The following ARHGEF40 variants were observed in gnomAD, a reference collection of about 807,000 sequenced individuals.
The protein encoded by ARHGEF40 is Rho guanine nucleotide exchange factor 40, also known as Rho guanine nucleotide exchange factor (GEF) 40.
In ARHGEF40, 98 loss-of-function variants were observed where a neutral mutation model predicts 165.9. The ratio of observed to expected loss-of-function variants is 0.59; its 90% CI spans 0.50 to 0.70. ARHGEF40 has a LOEUF of 0.70. ARHGEF40 is among the 30% of genes least tolerant of loss of function. The pLI is 0.00. For synonymous variants in ARHGEF40, 792 were observed against 814.3 expected (o/e 0.97, Z 0.47); for missense variants, 1,815 against 1,968.0 (o/e 0.92, Z 1.47).
chr14:21,072,735 T>G lies in ARHGEF40; in HGVS notation c.4-310T>G, dbSNP rs1281736147. Among the ~76,000 whole-genome samples the G allele has an allele frequency of 6.6e-6, 1 of 152,184 alleles. No homozygotes were observed. The highest frequency in any genetic ancestry group is 6.5e-5 in the Admixed American group (1 of 15,272). On this transcript the variant is annotated intron_variant, in intron 1 of 23. Transcript: ENST00000298694. The surrounding 1 kb of genome is among the most constrained non-coding windows in gnomAD (Gnocchi z 4.1). ...TGTCTTTTCTCTCCTGGGAAAGATC[T>G]ATGCAATCACCCCAACTCACGAGCA...
At chr14:21,081,348 T>G in intron 13 of ARHGEF40, 161 bp from the exon 14 acceptor site, 1 of 1,056,484 alleles carries the variant, frequency 9.5e-7, no homozygotes, top group Non-Finnish European at 1.4e-6. Context: ...CAACTCCGAG[T>G]GACATGGTTA....
intron 8 of ARHGEF40, among the ~76,000 whole-genome samples, chr14:21,077,946 C>G (rs191604807): frequency 5.5e-4 from 84 of 152,340 alleles, no homozygotes; most frequent in Middle Eastern, 6.8e-3. Flanking sequence ...CTGGCATCAT[C>G]TCCTTAAAAA....
Position 21,089,874 on chromosome 14 carries a change from G to A in ARHGEF40, c.*866G>A, listed in dbSNP as rs947250539. The A allele has an allele frequency of 4.9e-6, 1 of 202,114 alleles. No individual in the cohort carries two copies. The highest frequency in any genetic ancestry group is 1.0e-5 in the Non-Finnish European group (1 of 97,544). The allele number at this position is 202,114 out of a possible 1,614,324, so 12.5% of individuals were successfully genotyped here. ...ATGAGGTCCTCAGGCCACAGTGCGT[G>A]AGAACTTGCTTGGCTGTTTGTTAAA... is the stretch of plus-strand genomic sequence containing the variant. On this transcript the variant is annotated 3_prime_UTR_variant, in exon 24 of 24. Transcript: ENST00000298694.
chr14:21,079,744 G>A (rs1464424605), intron 11 of ARHGEF40, among the ~76,000 whole-genome samples: 4 of 152,130 alleles, frequency 2.6e-5, no homozygotes, highest in Non-Finnish European at 4.4e-5. Context: ...CTGTTTCCTA[G>A]GATTTCTTCA....
intron 13 of ARHGEF40, 136 bp downstream of exon 13, chr14:21,081,152 C>A: frequency 7.3e-7 from 1 of 1,374,612 alleles, no homozygotes; most frequent in Admixed American, 2.4e-5. Flanking sequence ...TTAGCTCTGC[C>A]ACCTCCTTGC....
chr14:21,067,564 A>G (rs1886335793), upstream of ARHGEF40, among the ~76,000 whole-genome samples: 1 of 152,162 alleles, frequency 6.6e-6, no homozygotes, highest in South Asian at 2.1e-4. Flanking sequence ...ATAAGCTGCA[A>G]TTTCTTCTGT....
chr14:21,067,815 A>C (rs1886353025), upstream of ARHGEF40, among the ~76,000 whole-genome samples: 1 of 151,996 alleles, frequency 6.6e-6, no homozygotes, highest in Non-Finnish European at 1.5e-5. Flanking sequence ...TTCTTTGGAG[A>C]AAGTGGTATT....
chr14:21,063,585 G>A, the ARHGEF40 span, among the ~76,000 whole-genome samples: 3 of 152,136 alleles, frequency 2.0e-5, no homozygotes, highest in Admixed American at 2.0e-4. Context: ...TCCGCTGCTT[G>A]GCAGTTCTGA....
At position 21,082,124 on chromosome 14, in the gene ARHGEF40, G is replaced by A; in HGVS notation, c.3251+5G>A. 6.4e-7 allele frequency: 1 copy of A among 1,562,818 alleles called. No individual in the cohort carries two copies. Among genetic ancestry groups the A allele is most frequent in the Non-Finnish European group, 8.7e-7 (1 of 1,153,028 alleles). The stretch of plus-strand genomic sequence containing the variant: ...GGAGCGCAAGCGAAGCATCAGGTGA[G>A]ATCCCAGCCCAACTGGTGCTAAGAG... On this transcript the variant is annotated splice_donor_5th_base_variant and intron_variant, in intron 14 of 23. Transcript: ENST00000298694.
In ARHGEF40 at chr14:21,088,687, A is replaced by G. The variant is rs560353259; in HGVS notation, c.4519-143A>G. On this transcript the variant is annotated intron_variant, in intron 22 of 23. Coordinates refer to ENST00000298694, the MANE Select transcript of ARHGEF40 (RefSeq NM_018071.5). ...GGCAACAGTGAGCACCTGTCTCTAA[A>G]AAAATAAAAGTAAATAGCAAAATTC... is the stretch of plus-strand genomic sequence containing the variant. 286 of 887,922 alleles carry G rather than the reference A, an allele frequency of 3.2e-4. 2 individuals are homozygous for G. In the African/African-American group the frequency reaches 4.3e-3, roughly 13 times the overall value. The allele number at this position is 887,922 out of a possible 1,614,324, so 55.0% of individuals were successfully genotyped here.
chr14:21,080,611 T>C (rs775429397), intron 11 of ARHGEF40, 49 bp from the exon 12 acceptor site: 2 of 1,574,480 alleles, frequency 1.3e-6, no homozygotes, highest in South Asian at 1.2e-5. Context: ...CAGCCCTTCC[T>C]TGCCTTTCCA....
At chr14:21,087,536 G>A in intron 21 of ARHGEF40, 73 bp downstream of exon 21, 1 of 1,562,386 alleles carries the variant, frequency 6.4e-7, no homozygotes, top group African/African-American at 1.4e-5. Flanking sequence ...TTGCTGCTGA[G>A]CAATTCCTTT....
Position 21,085,671 on chromosome 14 carries a change from C to T in ARHGEF40, c.3961-18C>T, listed in dbSNP as rs755963418. 6.2e-7 allele frequency: 1 copy of T among 1,610,794 alleles called. No individual in the cohort carries two copies. The highest frequency in any genetic ancestry group is 8.5e-7 in the Non-Finnish European group (1 of 1,178,588). On this transcript the variant is annotated intron_variant, in intron 18 of 23. Coordinates refer to ENST00000298694, the MANE Select transcript of ARHGEF40 (RefSeq NM_018071.5). ...GGACTCACTCTGTCTTCACCCGCTG[C>T]CCTCTGCTCTTCCTCAGACTGCTGA...
the ARHGEF40 span, among the ~76,000 whole-genome samples, chr14:21,064,260 T>C: frequency 4.6e-5 from 7 of 152,092 alleles, no homozygotes; most frequent in African/African-American, 1.4e-4. Flanking sequence ...TCCCTAAAAT[T>C]GAGAGTGACT....
Position 21,074,497 on chromosome 14 carries a change from C to A in ARHGEF40, c.767C>A (p.Pro256Gln), listed in dbSNP as rs1427017572. ...LEVTLPVRGS[P>Q]TDAEGSPGLS... ...GTGACGCTGCCCGTGAGGGGGAGCC[C>A]AACAGATGCTGAAGGCTCCCCAGGC... Residue 256 changes from proline (P) to glutamine (Q), a missense_variant, in exon 3 of 24, where the codon CCA (proline) becomes CAA (glutamine). Coordinates refer to ENST00000298694, the MANE Select transcript of ARHGEF40 (RefSeq NM_018071.5). This position sits in a 1 kb window ranked among gnomAD's most constrained non-coding sequence, Gnocchi z 4.8. The A allele has an allele frequency of 1.3e-6, 2 of 1,556,238 alleles. No individual in the cohort carries two copies. Among genetic ancestry groups the A allele is most frequent in the Non-Finnish European group, 1.7e-6 (2 of 1,150,576 alleles).
At position 21,070,454 on chromosome 14, in the gene ARHGEF40, C is replaced by G; in HGVS notation, c.3+55C>G. 7.4e-7 allele frequency: 1 copy of G among 1,357,852 alleles called. No homozygotes were observed. The highest frequency in any genetic ancestry group is 9.4e-7 in the Non-Finnish European group (1 of 1,061,548). 84.1% of individuals were successfully genotyped at this position (1,357,852 alleles called of 1,614,324 possible). A position where few individuals can be genotyped will look rare whatever the true frequency, so the allele number is the denominator to read the frequency against. The stretch of plus-strand genomic sequence containing the variant: ...CCCTCGGCCTTCGCGCAGCCCGCTC[C>G]GGGCCCCCAAGTCCTCAGCCTGGTG... On this transcript the variant is annotated intron_variant, in intron 1 of 23. Transcript: ENST00000298694. The surrounding 1 kb of genome is among the most constrained non-coding windows in gnomAD (Gnocchi z 4.7).
rs1887078977 is a variant in ARHGEF40 at position 21,072,838 on chromosome 14, G to A, written c.4-207G>A. On this transcript the variant is annotated intron_variant, in intron 1 of 23. Transcript: ENST00000298694. This position sits in a 1 kb window ranked among gnomAD's most constrained non-coding sequence, Gnocchi z 4.1. ...AAAGCCAAGGTCTCAGAGCGGGAGTGTTGAGCGCCCTGCCAGGTTTGTGCA... is the reference window on the plus strand; with the variant it reads ...AAAGCCAAGGTCTCAGAGCGGGAGTATTGAGCGCCCTGCCAGGTTTGTGCA... Among the ~76,000 whole-genome samples, 1 of 152,204 alleles carries A rather than the reference G, an allele frequency of 6.6e-6. No homozygotes were observed. Among genetic ancestry groups the A allele is most frequent in the Non-Finnish European group, 1.5e-5 (1 of 68,038 alleles).
chr14:21,083,432 C>A (rs1327160402), intron 16 of ARHGEF40, among the ~76,000 whole-genome samples: 1 of 151,544 alleles, frequency 6.6e-6, no homozygotes, highest in East Asian at 1.9e-4. Context: ...CACCTGTAGT[C>A]CCAGCTACTC....
chr14:21,071,306 CAGAG>C (rs1472653541), intron 1 of ARHGEF40, among the ~76,000 whole-genome samples: 4 of 152,030 alleles, frequency 2.6e-5, no homozygotes, highest in Non-Finnish European at 4.4e-5. Context: ...TGGGCACTGC[CAGAG>C]AGAGCGCCCA....
Sources: gnomAD v4.1 joint callset for allele counts (sites outside exome capture counted in the v4.1 genomes callset) on GRCh38, gnomAD v4.1.1 for gene constraint, Gnocchi (gnomAD v3.1) non-coding constraint, MANE v1.5 for transcripts, NCBI Gene and HGNC (gene_info 2026-07-23, HGNC 2026-07-21) for gene names.